PARP8: variants seen among roughly 807,000 people sequenced by gnomAD.
PARP8 encodes the protein poly(ADP-ribose) polymerase family member 8.
Under a neutral mutation model 124.1 loss-of-function variants are expected in PARP8, and 51 were observed. That is an observed-to-expected ratio of 0.41 (90% CI 0.33 to 0.52). The LOEUF (loss-of-function observed/expected upper bound fraction) is 0.52. PARP8 is among the 20% of genes least tolerant of loss of function. PARP8 has a pLI of 0.21. For synonymous variants in PARP8, 391 were observed against 361.5 expected, an observed-to-expected ratio of 1.08 and a Z score of -0.93; for missense variants, 860 against 1,018.9, an observed-to-expected ratio of 0.84 and a Z score of 2.12.
At chr5:50,753,073 T>A (rs1309295867) in intron 3 of PARP8, among the ~76,000 whole-genome samples, 2 of 152,062 alleles carry the variant, frequency 1.3e-5, no homozygotes, top group Non-Finnish European at 2.9e-5. Flanking sequence ...AGTGAAGAAA[T>A]AGAGAGGCCT....
At chr5:50,709,924 A>G (rs201415936) in intron 2 of PARP8, among the ~76,000 whole-genome samples, 20 of 19,460 alleles carry the variant, frequency 1.0e-3, no homozygotes, top group South Asian at 2.6e-3. Flanking sequence ...GAAAGAGTGT[A>G]TATATATATA....
rs149542687 is a variant in PARP8, at chr5:50,770,021, A to G, written c.518+6779A>G. On this transcript the variant is annotated intron_variant, in intron 7 of 25. Coordinates refer to ENST00000281631, the MANE Select transcript of PARP8 (RefSeq NM_024615.4). Reference sequence around the variant, plus strand: ...TTTTACTCTTGATTTTCCTGTTTCTATTTTCTTAAAAATATCATTTTAGCT... The same window carrying G: ...TTTTACTCTTGATTTTCCTGTTTCTGTTTTCTTAAAAATATCATTTTAGCT... Among the ~76,000 whole-genome samples the G allele has an allele frequency of 2.0e-5, 3 of 152,044 alleles. No homozygotes were observed. In the East Asian group the frequency reaches 5.8e-4, roughly 29 times the overall value.
chr5:50,822,781 A>C (rs1745906473), intron 17 of PARP8, among the ~76,000 whole-genome samples: 1 of 152,222 alleles, frequency 6.6e-6, no homozygotes, highest in Non-Finnish European at 1.5e-5. Context: ...TTAAAATGGA[A>C]CTTTTCCATA....
At chr5:50,675,750 T>C (rs1579910824) in intron 2 of PARP8, among the ~76,000 whole-genome samples, 1 of 152,102 alleles carries the variant, frequency 6.6e-6, no homozygotes, top group African/African-American at 2.4e-5. Flanking sequence ...CTTTCACATC[T>C]GTGAAGGAAT....
chr5:50,780,378 A>C (rs1230077281), intron 9 of PARP8, among the ~76,000 whole-genome samples: 1 of 152,188 alleles, frequency 6.6e-6, no homozygotes, highest in Non-Finnish European at 1.5e-5. Flanking sequence ...AACTTTGTTT[A>C]GGGTTAGGAA....
intron 2 of PARP8, among the ~76,000 whole-genome samples, chr5:50,686,820 G>T (rs1300780166): frequency 6.6e-6 from 1 of 152,156 alleles, no homozygotes; most frequent in South Asian, 2.1e-4. Context: ...TTCAGTCAGG[G>T]TTGCAGTGGC....
intron 2 of PARP8, among the ~76,000 whole-genome samples, chr5:50,734,742 T>C (rs1449458858): frequency 2.0e-5 from 3 of 152,132 alleles, no homozygotes; most frequent in African/African-American, 7.2e-5. Flanking sequence ...AGAAATTTCT[T>C]CATTGACTTA....
At chr5:50,720,398 A>G (rs1755754945) in intron 2 of PARP8, among the ~76,000 whole-genome samples, 1 of 152,002 alleles carries the variant, frequency 6.6e-6, no homozygotes. Flanking sequence ...TAGGTCTTTC[A>G]GGCCTGGTCT....
At chr5:50,836,571 A>G (rs1273818217) in intron 25 of PARP8, among the ~76,000 whole-genome samples, 1 of 152,144 alleles carries the variant, frequency 6.6e-6, no homozygotes, top group East Asian at 1.9e-4. Context: ...CTAGAGAACA[A>G]TGAAGCTTAT....
intron 14 of PARP8, among the ~76,000 whole-genome samples, chr5:50,804,653 A>G (rs768275414): frequency 1.3e-5 from 2 of 152,138 alleles, no homozygotes; most frequent in African/African-American, 2.4e-5. Context: ...TGATCACTGA[A>G]CTTGTCAAAT....
intron 6 of PARP8, among the ~76,000 whole-genome samples, chr5:50,762,624 A>T (rs1760663451): frequency 6.6e-6 from 1 of 152,174 alleles, no homozygotes; most frequent in Admixed American, 6.6e-5. Context: ...AAGTAAATTT[A>T]TTTATTCAGA....
chr5:50,713,746 A>C (rs746747014), intron 2 of PARP8, among the ~76,000 whole-genome samples: 3 of 152,096 alleles, frequency 2.0e-5, no homozygotes, highest in Non-Finnish European at 4.4e-5. Context: ...TGTTGAGCCC[A>C]GTGTCATCAC....
chr5:50,687,505 G>A (rs1283374659), intron 2 of PARP8, among the ~76,000 whole-genome samples: 3 of 152,064 alleles, frequency 2.0e-5, no homozygotes, highest in Non-Finnish European at 4.4e-5. Context: ...CCACATTTTT[G>A]GGTATCTTTT....
chr5:50,822,941 A>G (rs1745928910), intron 17 of PARP8, among the ~76,000 whole-genome samples: 1 of 152,210 alleles, frequency 6.6e-6, no homozygotes, highest in Non-Finnish European at 1.5e-5. Flanking sequence ...AATCTAACAC[A>G]TCCCTGGGCT....
chr5:50,757,266 A>AT (rs1287976020), intron 3 of PARP8: 16 of 410,364 alleles, frequency 3.9e-5, no homozygotes, highest in South Asian at 1.9e-4. Context: ...AGACTGAATC[A>AT]TAAAAAAAAA....
Position 50,763,497 on chromosome 5 carries a change from G to A in PARP8, c.518+255G>A, listed in dbSNP as rs138883028. ...TGAAGACATATCAATCTTAAGTAGT[G>A]TCATAATTAATTCCTAGAATAGATT... is the stretch of plus-strand genomic sequence containing the variant. On this transcript the variant is annotated intron_variant, in intron 7 of 25. Coordinates refer to ENST00000281631, the MANE Select transcript of PARP8 (RefSeq NM_024615.4). Among the ~76,000 whole-genome samples the A allele has an allele frequency of 2.0e-3, 297 of 152,122 alleles. 3 individuals are homozygous for A. The highest frequency in any genetic ancestry group is 6.8e-3 in the African/African-American group (281 of 41,492).
At chr5:50,684,732 A>G (rs1461559369) in intron 2 of PARP8, among the ~76,000 whole-genome samples, 1 of 152,190 alleles carries the variant, frequency 6.6e-6, no homozygotes, top group Non-Finnish European at 1.5e-5. Context: ...ACTTTAAAAA[A>G]TAATTATCAG....
At chr5:50,790,856 T>C (rs1185996129) in intron 10 of PARP8, among the ~76,000 whole-genome samples, 2 of 152,196 alleles carry the variant, frequency 1.3e-5, no homozygotes, top group Non-Finnish European at 2.9e-5. Context: ...GGAAAGTTTG[T>C]TAATATAGAT....
At chr5:50,827,353 A>G (rs1374220704) in intron 19 of PARP8, among the ~76,000 whole-genome samples, 2 of 152,214 alleles carry the variant, frequency 1.3e-5, no homozygotes, top group South Asian at 2.1e-4. Context: ...CTGCATAACT[A>G]TATTCCTAAG....
Sources: gnomAD v4.1 joint callset for allele counts (sites outside exome capture counted in the v4.1 genomes callset) on GRCh38, gnomAD v4.1.1 for gene constraint, MANE v1.5 for transcripts, NCBI Gene and HGNC (gene_info 2026-07-23, HGNC 2026-07-21) for gene names.